OSBPL5: variants seen among roughly 807,000 people sequenced by gnomAD.
OSBPL5 encodes the protein oxysterol binding protein like 5.
A neutral mutation model predicts 111.2 loss-of-function variants in OSBPL5; 71 were observed. The ratio of observed to expected loss-of-function variants is 0.64; its 90% confidence interval spans 0.53 to 0.78. The LOEUF is 0.78. OSBPL5 is among the 30% of genes least tolerant of loss of function. The pLI is 0.00. For missense variants in OSBPL5, 1,210 were observed against 1,189.3 expected (o/e 1.02, Z -0.26); for synonymous variants, 549 against 513.9 (o/e 1.07, Z -0.93).
chr11:3,103,341 G>A (rs775672986), intron 10 of OSBPL5, 21 bp from the exon 11 acceptor site: 44 of 1,586,180 alleles, frequency 2.8e-5, no homozygotes, highest in Non-Finnish European at 3.4e-5. Flanking sequence ...GCAGGAGAAC[G>A]CTGACCCCAG....
chr11:3,164,850 A>G (rs533511113), intron 1 of OSBPL5, among the ~76,000 whole-genome samples: 3 of 152,134 alleles, frequency 2.0e-5, no homozygotes, highest in African/African-American at 7.2e-5. Context: ...GGTCAGACCC[A>G]GCCACCTTCC....
At position 3,142,249 on chromosome 11, in the gene OSBPL5, G is replaced by A. The variant is rs955575525; in HGVS notation, c.-21-13080C>T. Among the ~76,000 whole-genome samples the A allele has an allele frequency of 1.3e-5, 2 of 152,242 alleles. No homozygotes were observed. Among genetic ancestry groups the A allele is most frequent in the African/African-American group, 4.8e-5 (2 of 41,468 alleles). The stretch of plus-strand genomic sequence containing the variant: ...CTGGTTTCTGAGGCCAAGAGAAGAA[G>A]CTGACTCGCCCAGGGCCACACGGCA... On this transcript the variant is annotated intron_variant, in intron 1 of 21. Transcript: ENST00000263650. The surrounding 1 kb of genome is among the most constrained non-coding windows in gnomAD (Gnocchi z 7.1).
At chr11:3,097,376 T>C (rs1857311141) in intron 14 of OSBPL5, among the ~76,000 whole-genome samples, 1 of 152,096 alleles carries the variant, frequency 6.6e-6, no homozygotes, top group Non-Finnish European at 1.5e-5. Context: ...AACATTTGTA[T>C]TGGGCCTGCG....
In OSBPL5 at chr11:3,122,067, T is replaced by C. The variant is rs1323154221; in HGVS notation, c.332A>G (p.Lys111Arg). ...GCTGAGCAGCTGCCGTGTGGCGCGC[T>C]TCTTCTCCTGCCGGTAGTTCTCCTT... is the stretch of plus-strand genomic sequence containing the variant. ...AQKENYRQEK[K>R]RATRQLLSAL... The change falls in exon 5 of 22, where the codon AAG becomes AGG. Residue 111 changes from lysine to arginine, a missense_variant. Transcript: ENST00000263650. 1.3e-6 allele frequency: 2 copies of C among 1,579,896 alleles called. No individual in the cohort carries two copies. Among genetic ancestry groups the C allele is most frequent in the South Asian group, 2.3e-5 (2 of 87,638 alleles).
rs1856907399 is a variant in OSBPL5, at chr11:3,087,385, A to C, written c.*820T>G. On this transcript the variant is annotated 3_prime_UTR_variant, in exon 22 of 22. Coordinates refer to ENST00000263650, the MANE Select transcript of OSBPL5 (RefSeq NM_020896.4). ...CTGACTGCAGCTCGCAGCCCACCTAAAATATTGCAATTATGTTTATTAAAA... is the reference window on the plus strand; with the variant it reads ...CTGACTGCAGCTCGCAGCCCACCTACAATATTGCAATTATGTTTATTAAAA... The C allele has an allele frequency of 6.5e-6, 1 of 154,788 alleles. No homozygotes were observed. The highest frequency in any genetic ancestry group is 1.5e-5 in the Non-Finnish European group (1 of 68,376). 9.6% of individuals were successfully genotyped at this position (154,788 alleles called of 1,614,324 possible). A position where few individuals can be genotyped will look rare whatever the true frequency, so the allele number is the denominator to read the frequency against.
intron 21 of OSBPL5, among the ~76,000 whole-genome samples, chr11:3,089,257 G>A (rs961971307): frequency 1.3e-5 from 2 of 152,232 alleles, no homozygotes; most frequent in African/African-American, 4.8e-5. Flanking sequence ...TTTACAGAGG[G>A]GAGGCTGAGG....
intron 1 of OSBPL5, among the ~76,000 whole-genome samples, chr11:3,147,611 A>G (rs537144959): frequency 1.4e-4 from 21 of 152,326 alleles, no homozygotes; most frequent in African/African-American, 4.3e-4. Context: ...CGTGTCCTTT[A>G]AGCCAGGGAT....
chr11:3,139,924 T>A (rs568589783), intron 1 of OSBPL5, among the ~76,000 whole-genome samples: 117 of 152,298 alleles, frequency 7.7e-4, no homozygotes, highest in African/African-American at 2.7e-3. Flanking sequence ...GGCCTGTGGT[T>A]GGCCAAGGAC....
Position 3,101,453 on chromosome 11 carries a change from C to T in OSBPL5, c.1522+150G>A, listed in dbSNP as rs1857451759. On this transcript the variant is annotated intron_variant, in intron 13 of 21. Coordinates refer to ENST00000263650, the MANE Select transcript of OSBPL5 (RefSeq NM_020896.4). ...GCTCTGCCTCATGGCCGGGTCTCAG[C>T]ACCTGACCACCACATGGTCTCTGAC... 4.3e-5 allele frequency: 32 copies of T among 738,348 alleles called. No individual in the cohort carries two copies. In the South Asian group the frequency reaches 5.6e-4, roughly 13 times the overall value. 45.7% of individuals were successfully genotyped at this position (738,348 alleles called of 1,614,324 possible). A position where few individuals can be genotyped will look rare whatever the true frequency, so the allele number is the denominator to read the frequency against.
intron 2 of OSBPL5, 116 bp downstream of exon 2, chr11:3,128,897 A>G: frequency 2.0e-6 from 2 of 985,064 alleles, no homozygotes; most frequent in Non-Finnish European, 1.4e-6. Context: ...AAACCCACAC[A>G]GTCCCCAGCA....
chr11:3,133,847 C>T (rs1564851508), intron 1 of OSBPL5, among the ~76,000 whole-genome samples: 1 of 152,200 alleles, frequency 6.6e-6, no homozygotes, highest in Admixed American at 6.5e-5. Flanking sequence ...TGGGCAATTC[C>T]AGTCTGAAAG....
At chr11:3,143,230 CG>C (rs1554905166) in intron 1 of OSBPL5, among the ~76,000 whole-genome samples, 3 of 28,688 alleles carry the variant, frequency 1.0e-4, no homozygotes, top group African/African-American at 3.3e-4. Context: ...GAGGCAGGTG[CG>C]GGGGGGGCAG....
intron 17 of OSBPL5, 82 bp from the exon 18 acceptor site, chr11:3,093,134 C>T: frequency 7.2e-7 from 1 of 1,384,566 alleles, no homozygotes; most frequent in Non-Finnish European, 9.5e-7. Flanking sequence ...CCCTTGGCAC[C>T]AGAAGGAAGG....
At chr11:3,149,922 C>T (rs1846517484) in intron 1 of OSBPL5, among the ~76,000 whole-genome samples, 1 of 152,222 alleles carries the variant, frequency 6.6e-6, no homozygotes, top group South Asian at 2.1e-4. Flanking sequence ...CCACCCCCTT[C>T]CCAGGCACAC....
At chr11:3,093,088 G>T (rs374767158) in intron 17 of OSBPL5, 36 bp from the exon 18 acceptor site, 11 of 1,486,014 alleles carry the variant, frequency 7.4e-6, no homozygotes, top group Non-Finnish European at 9.0e-6. Flanking sequence ...CCAGTGGCCC[G>T]GGCAGCCCGA....
At chr11:3,144,755 C>T (rs558183697) in intron 1 of OSBPL5, among the ~76,000 whole-genome samples, 3 of 152,362 alleles carry the variant, frequency 2.0e-5, no homozygotes, top group East Asian at 3.9e-4. Flanking sequence ...ACCCCCAGTC[C>T]CCCAAGGCGT....
At chr11:3,147,141 C>T (rs1276038315) in intron 1 of OSBPL5, among the ~76,000 whole-genome samples, 1 of 58,256 alleles carries the variant, frequency 1.7e-5, no homozygotes, top group Admixed American at 1.9e-4. Flanking sequence ...GAGGACCGGG[C>T]GGGTGGGAGG....
Position 3,121,142 on chromosome 11 carries a change from C to A in OSBPL5, c.403-518G>T, listed in dbSNP as rs1239105271. On this transcript the variant is annotated intron_variant, in intron 5 of 21. Coordinates refer to ENST00000263650, the MANE Select transcript of OSBPL5 (RefSeq NM_020896.4). This position sits in a 1 kb window ranked among gnomAD's most constrained non-coding sequence, Gnocchi z 4.3. ...GTGCTATCTTGGCTCGCTGCAAACT[C>A]TGCCTCCCAGGTTCAAGCGATTCTC... 6.7e-6 allele frequency among the ~76,000 whole-genome samples: 1 copy of A among 149,402 alleles called. No homozygotes were observed.
chr11:3,103,088 G>A, intron 11 of OSBPL5, 151 bp downstream of exon 11: 1 of 633,806 alleles, frequency 1.6e-6, no homozygotes, highest in Non-Finnish European at 2.6e-6. Flanking sequence ...CATCACCAAG[G>A]ACCTGGGCCC....
Sources: allele counts gnomAD v4.1 joint callset (sites outside exome capture counted in the v4.1 genomes callset), GRCh38; gene constraint gnomAD v4.1.1; non-coding constraint Gnocchi (gnomAD v3.1); transcripts MANE v1.5; gene names NCBI Gene and HGNC (gene_info 2026-07-23, HGNC 2026-07-21).